Variants in HOXB3 observed in about 807,000 individuals in gnomAD.
The protein encoded by HOXB3 is homeobox B3.
In HOXB3, 17 loss-of-function variants were observed where a neutral mutation model predicts 29.2. The observed-to-expected ratio is 0.58, with a 90% CI of 0.40 to 0.87. The LOEUF (loss-of-function observed/expected upper bound fraction) is 0.87, where lower values mean the gene tolerates loss of function less well. Ranked by LOEUF, HOXB3 falls within the 40% of genes least tolerant of loss-of-function variation. HOXB3 has a pLI of 0.00. For synonymous variants in HOXB3, 317 were observed against 285.9 expected (o/e 1.11, Z -1.10); for missense variants, 637 against 616.3 (o/e 1.03, Z -0.35).
At chr17:48,568,928 G>A (rs1461164885) in intron 2 of HOXB3, among the ~76,000 whole-genome samples, 1 of 152,064 alleles carries the variant, frequency 6.6e-6, no homozygotes, top group Non-Finnish European at 1.5e-5. Flanking sequence ...AATTTACATG[G>A]ACATATAAGA....
chr17:48,556,571 AAC>A (rs1482565241), intron 2 of HOXB3: 1 of 150,834 alleles, frequency 6.6e-6, no homozygotes, highest in African/African-American at 2.5e-5. Context: ...AAAAAAAAAA[AAC>A]ACCCCTCCCC....
At chr17:48,582,634 G>C (rs923943722) in intron 1 of HOXB3, 2 of 152,134 alleles carry the variant, frequency 1.3e-5, no homozygotes, top group African/African-American at 4.8e-5. Context: ...ATATGCTCGC[G>C]CAGTTCGCTG....
At chr17:48,553,508 G>A (rs1229697957) in intron 3 of HOXB3, 1 of 146,448 alleles carries the variant, frequency 6.8e-6, no homozygotes, top group Non-Finnish European at 1.5e-5. Flanking sequence ...TTCACCGTCT[G>A]TTTTCTTTGA....
At chr17:48,555,359 A>AGG (rs1279944712) in intron 3 of HOXB3, 172 bp downstream of exon 3, 157 of 517,762 alleles carry the variant, frequency 3.0e-4, no homozygotes, top group East Asian at 2.1e-3. Context: ...AGAGAGAGAG[A>AGG]GAGAGGGAGG....
At chr17:48,556,856 T>G (rs1316382823) in intron 2 of HOXB3, 1 of 152,248 alleles carries the variant, frequency 6.6e-6, no homozygotes, top group Non-Finnish European at 1.5e-5. Context: ...TCGCTTAATT[T>G]TAAATGCACT....
rs2144726928 is a variant in HOXB3, at chr17:48,550,613, G to C, written c.1017C>G (p.Gly339=). 1 of 1,520,304 alleles carries C rather than the reference G, an allele frequency of 6.6e-7. No homozygotes were observed. Among genetic ancestry groups the C allele is most frequent in the African/African-American group, 1.4e-5 (1 of 71,804 alleles). The allele number at this position is 1,520,304 out of a possible 1,614,324, so 94.2% of individuals were successfully genotyped here. ...CCTGCATGGTGGGCGTCCCGTAGGC[G>C]CCCCCGTTGGCTTGGAGGACGTGCG... ...YEPHVLQANG[G]AYGTPTMQGS... is the part of the protein sequence containing the mutation. The change falls in exon 5 of 5, where the codon GGC becomes GGG. Residue 339 remains glycine (G), a synonymous_variant. Transcript: ENST00000498678.
At chr17:48,578,064 G>A (rs1376997230) in intron 1 of HOXB3, 1 of 1,157,218 alleles carries the variant, frequency 8.6e-7, no homozygotes, top group Non-Finnish European at 1.1e-6. Context: ...AGACCGGGCG[G>A]TGGCGGGGGC....
At position 48,552,571 on chromosome 17, in the gene HOXB3, A is replaced by ACAC; in HGVS notation, c.-98_-97insGTG. On this transcript the variant is annotated 5_prime_UTR_variant, in exon 4 of 5. Transcript: ENST00000498678. ...CCCTGGGGGTCACGTGACACGCCGG[A>ACAC]CCCCCCCCCCCCACCTCCCCTCTCT... 1 of 529,440 alleles carries ACAC rather than the reference A, an allele frequency of 1.9e-6. No individual in the cohort carries two copies. Among genetic ancestry groups the ACAC allele is most frequent in the Non-Finnish European group, 2.9e-6 (1 of 348,182 alleles). 32.8% of individuals were successfully genotyped at this position (529,440 alleles called of 1,614,324 possible).
chr17:48,557,122 A>C (rs1468773465), intron 2 of HOXB3: 1 of 152,340 alleles, frequency 6.6e-6, no homozygotes, highest in Non-Finnish European at 1.5e-5. Context: ...AGGAAAAGAC[A>C]AAAAGAGCAC....
chr17:48,589,649 G>A (rs1597862570), intron 1 of HOXB3, among the ~76,000 whole-genome samples: 1 of 152,052 alleles, frequency 6.6e-6, no homozygotes, highest in Non-Finnish European at 1.5e-5. Flanking sequence ...CCGCCTACCC[G>A]GTGCTTTTTC....
At chr17:48,577,565 C>T (rs916074340) in intron 1 of HOXB3, among the ~76,000 whole-genome samples, 1 of 152,240 alleles carries the variant, frequency 6.6e-6, no homozygotes, top group Non-Finnish European at 1.5e-5. Flanking sequence ...TCCTCCACCC[C>T]TCCCCAACTT....
intron 2 of HOXB3, among the ~76,000 whole-genome samples, chr17:48,570,640 C>T (rs982022638): frequency 2.6e-5 from 4 of 152,340 alleles, no homozygotes; most frequent in South Asian, 2.1e-4. Flanking sequence ...ACAGCCACCC[C>T]GGTGTCGGCC....
In HOXB3 at chr17:48,550,190, G is replaced by A. The variant is rs1017983004; in HGVS notation, c.*144C>T. The A allele has an allele frequency of 1.4e-5, 15 of 1,061,174 alleles. No homozygotes were observed. In the Admixed American group the frequency reaches 1.6e-4, roughly 11 times the overall value. 65.7% of individuals were successfully genotyped at this position (1,061,174 alleles called of 1,614,324 possible). A position where few individuals can be genotyped will look rare whatever the true frequency, so the allele number is the denominator to read the frequency against. On this transcript the variant is annotated 3_prime_UTR_variant, in exon 5 of 5. Coordinates refer to ENST00000498678, the MANE Select transcript of HOXB3 (RefSeq NM_001384749.1). ...AAGCAACCTCTCAGGCCAGGGGGAA[G>A]GGAAGGAGCTCCAGGCCGGTTCTGA...
In HOXB3 at chr17:48,551,180, T is replaced by A. The variant is rs1278397285; in HGVS notation, c.450A>T (p.Ala150=). The A allele has an allele frequency of 1.6e-6, 2 of 1,283,424 alleles. No individual in the cohort carries two copies. The highest frequency in any genetic ancestry group is 3.1e-5 in the East Asian group (1 of 32,328). 79.5% of individuals were successfully genotyped at this position (1,283,424 alleles called of 1,614,324 possible). A position where few individuals can be genotyped will look rare whatever the true frequency, so the allele number is the denominator to read the frequency against. ...SKLKNNSPGT[A]EGCGGGGGGG... ...CACCGCCGCCGCCACCACAGCCCTC[T>A]GCTGGATCCGAGGGGGAGGGGTGGG... Residue 150 remains alanine (A), a splice_region_variant and synonymous_variant, in exon 5 of 5, where the codon GCA becomes GCT. Transcript: ENST00000498678.
Position 48,551,013 on chromosome 17 carries a change from T to A in HOXB3, c.617A>T (p.Glu206Val). 2 of 1,612,352 alleles carry A rather than the reference T, an allele frequency of 1.2e-6. No individual in the cohort carries two copies. The highest frequency in any genetic ancestry group is 1.7e-6 in the Non-Finnish European group (2 of 1,178,806). The change falls in exon 5 of 5, where the codon GAG becomes GTG. Residue 206 changes from glutamate (E) to valine (V), a missense_variant. Physicochemically the swap from Glu to Val is moderately radical, Grantham distance 121. Coordinates refer to ENST00000498678, the MANE Select transcript of HOXB3 (RefSeq NM_001384749.1). ...GCACAGGTAGCGGTTAAAATGGAAC[T>A]CCTTCTCCAGCTCCACCAGCTGCGC... ...TSAQLVELEK[E>V]FHFNRYLCRP...
intron 2 of HOXB3, among the ~76,000 whole-genome samples, chr17:48,564,034 C>T (rs2069293592): frequency 6.6e-6 from 1 of 150,902 alleles, no homozygotes; most frequent in African/African-American, 2.4e-5. Context: ...TCGTCCTCCA[C>T]CCCCAGGTCC....
intron 1 of HOXB3, among the ~76,000 whole-genome samples, chr17:48,589,575 C>G (rs4793943): frequency 0.14 from 20,746 of 152,016 alleles, 1,548 homozygotes; most frequent in Non-Finnish European, 0.17. Context: ...GGAGGGACCT[C>G]TTTTTATGGG....
rs1356494361 is a variant in HOXB3 at position 48,573,846 on chromosome 17, T to C, written c.-256A>G. 1 of 702,204 alleles carries C rather than the reference T, an allele frequency of 1.4e-6. No individual in the cohort carries two copies. Among genetic ancestry groups the C allele is most frequent in the South Asian group, 1.5e-5 (1 of 67,574 alleles). 43.5% of individuals were successfully genotyped at this position (702,204 alleles called of 1,614,324 possible). A position where few individuals can be genotyped will look rare whatever the true frequency, so the allele number is the denominator to read the frequency against. ...GCCCGGGCTTTGTTACCTTTGCGCCTCTCGCCTCCTCTCGCCCGAACTCTG... is the reference window on the plus strand; with the variant it reads ...GCCCGGGCTTTGTTACCTTTGCGCCCCTCGCCTCCTCTCGCCCGAACTCTG... On this transcript the variant is annotated 5_prime_UTR_variant, in exon 2 of 5. Coordinates refer to ENST00000498678, the MANE Select transcript of HOXB3 (RefSeq NM_001384749.1).
chr17:48,555,390 G>C, intron 3 of HOXB3, 141 bp downstream of exon 3: 1 of 648,822 alleles, frequency 1.5e-6, no homozygotes, highest in Non-Finnish European at 2.8e-6. Flanking sequence ...GGGAGGGAGG[G>C]AGAGAGAGAG....
Sources: allele counts gnomAD v4.1 joint callset (sites outside exome capture counted in the v4.1 genomes callset), GRCh38; gene constraint gnomAD v4.1.1; transcripts MANE v1.5; gene names NCBI Gene and HGNC (gene_info 2026-07-23, HGNC 2026-07-21).